Variants in SRRM1 observed in about 807,000 individuals in gnomAD.
SRRM1 encodes the protein serine and arginine repetitive matrix 1.
In SRRM1, 19 loss-of-function variants were observed where a neutral mutation model predicts 110.2. The observed-to-expected ratio is 0.17, with a 90% CI of 0.12 to 0.25. SRRM1 has a LOEUF of 0.25. SRRM1 is among the 10% of genes least tolerant of loss of function. The probability of loss-of-function intolerance (pLI) is 1.00; values close to 1 mark genes in which losing one functional copy is unlikely to be tolerated. For missense variants in SRRM1, 918 were observed against 1,145.8 expected (o/e 0.80, Z 2.87); for synonymous variants, 443 against 414.9 (o/e 1.07, Z -0.82).
chr1:24,670,033 AC>A, intron 14 of SRRM1, 86 bp from the exon 15 acceptor site: 1 of 1,178,140 alleles, frequency 8.5e-7, no homozygotes, highest in Non-Finnish European at 1.2e-6. Flanking sequence ...GAAATTCATA[AC>A]CTGGTTGTAC....
chr1:24,649,463 C>T (rs1033414358), intron 4 of SRRM1, among the ~76,000 whole-genome samples: 8 of 152,142 alleles, frequency 5.3e-5, no homozygotes, highest in Admixed American at 1.3e-4. Context: ...GGATTACAGG[C>T]GCACACCACC....
intron 4 of SRRM1, among the ~76,000 whole-genome samples, 175 bp from the exon 5 acceptor site, chr1:24,649,796 G>A (rs1381165566): frequency 3.3e-5 from 5 of 152,068 alleles, no homozygotes; most frequent in East Asian, 1.9e-4. Flanking sequence ...AATGAGTGGC[G>A]ATAATACCAG....
intron 3 of SRRM1, chr1:24,647,793 A>T (rs544303981): frequency 1.7e-4 from 26 of 152,648 alleles, no homozygotes; most frequent in Admixed American, 1.4e-3. Flanking sequence ...TATAAAGTAT[A>T]TGCATCTTAG....
chr1:24,670,448 A>G, intron 15 of SRRM1, 133 bp downstream of exon 15: 1 of 925,852 alleles, frequency 1.1e-6, no homozygotes, highest in Non-Finnish European at 1.6e-6. Context: ...TATACATCTG[A>G]TCTTGGGCAG....
intron 4 of SRRM1, among the ~76,000 whole-genome samples, chr1:24,649,559 T>A (rs905248959): frequency 3.9e-5 from 6 of 152,268 alleles, no homozygotes; most frequent in African/African-American, 1.2e-4. Context: ...CCTCAAGTGA[T>A]CTGCCCGCCC....
At position 24,669,466 on chromosome 1, in the gene SRRM1, T is replaced by G; in HGVS notation, c.2083T>G (p.Ser695Ala). ...SPRPRAPQTS[S>A]SPPPVRRGAS... ...ACGGCCTCGAGCTCCTCAGACCTCCTCAAGTCCTCCACCCGTTCGAAGAGG... is the reference window on the plus strand; with the variant it reads ...ACGGCCTCGAGCTCCTCAGACCTCCGCAAGTCCTCCACCCGTTCGAAGAGG... The change falls in exon 14 of 17, where the codon TCA (serine) becomes GCA (alanine). Residue 695 changes from serine (S) to alanine (A), a missense_variant. This residue lies in a region of SRRM1 where 357 missense variants were observed against 402.9 expected (regional missense o/e 0.89). Coordinates refer to ENST00000323848, the MANE Select transcript of SRRM1 (RefSeq NM_005839.4). 1 of 1,613,924 alleles carries G rather than the reference T, an allele frequency of 6.2e-7. No individual in the cohort carries two copies. The highest frequency in any genetic ancestry group is 8.5e-7 in the Non-Finnish European group (1 of 1,179,934).
intron 16 of SRRM1, 22 bp from the exon 17 acceptor site, chr1:24,672,160 G>A (rs1210764126): frequency 1.7e-5 from 27 of 1,572,716 alleles, no homozygotes; most frequent in African/African-American, 4.0e-5. Context: ...AGACTTAACC[G>A]TGTAAATTCT....
chr1:24,649,341 C>A (rs145846830), intron 4 of SRRM1, among the ~76,000 whole-genome samples: 1 of 152,278 alleles, frequency 6.6e-6, no homozygotes, highest in South Asian at 2.1e-4. Flanking sequence ...TTTTTTGAGA[C>A]ACAGTTTCAG....
intron 13 of SRRM1, 46 bp from the exon 14 acceptor site, chr1:24,669,077 T>G: frequency 2.6e-6 from 4 of 1,522,048 alleles, no homozygotes; most frequent in Non-Finnish European, 3.6e-6. Context: ...ATCCTGTTTC[T>G]GTATTTTGTT....
chr1:24,660,903 A>AT, intron 10 of SRRM1, 104 bp downstream of exon 10: 1 of 756,796 alleles, frequency 1.3e-6, no homozygotes, highest in East Asian at 2.7e-5. Flanking sequence ...CTGCTTGAAG[A>AT]TTAAGTATAG....
intron 4 of SRRM1, 72 bp from the exon 5 acceptor site, chr1:24,649,899 C>CA: frequency 7.4e-7 from 1 of 1,358,288 alleles, no homozygotes; most frequent in Non-Finnish European, 9.8e-7. Context: ...GTGTTTAACA[C>CA]ACGTAGAAAG....
Position 24,653,057 on chromosome 1 carries a change from GTCAAGTGTTTGACACT to G in SRRM1, c.1040+28_1040+43del, listed in dbSNP as rs768248527. 1.9e-5 allele frequency: 30 copies of G among 1,604,766 alleles called. No homozygotes were observed. In the African/African-American group the frequency reaches 3.2e-4, roughly 17 times the overall value. On this transcript the variant is annotated intron_variant, in intron 8 of 16. Coordinates refer to ENST00000323848, the MANE Select transcript of SRRM1 (RefSeq NM_005839.4). ...GGTAAGATTTTTTAAATTTGGAAGT[GTCAAGTGTTTGACACT>G]TCTGGATAATCTTTCTTTTAGGATA...
At chr1:24,661,516 G>A in intron 11 of SRRM1, 120 bp downstream of exon 11, 1 of 640,618 alleles carries the variant, frequency 1.6e-6, no homozygotes, top group Non-Finnish European at 2.5e-6. Flanking sequence ...TCTGTCTGAG[G>A]AGGCAGGATT....
chr1:24,673,195 T>G lies in SRRM1; in HGVS notation c.*909T>G, dbSNP rs1260755492. 2.2e-5 allele frequency: 3 copies of G among 135,820 alleles called. No individual in the cohort carries two copies. Among genetic ancestry groups the G allele is most frequent in the African/African-American group, 7.8e-5 (3 of 38,260 alleles). 8.4% of individuals were successfully genotyped at this position (135,820 alleles called of 1,614,324 possible). A position where few individuals can be genotyped will look rare whatever the true frequency, so the allele number is the denominator to read the frequency against. On this transcript the variant is annotated 3_prime_UTR_variant, in exon 17 of 17. Transcript: ENST00000323848. The stretch of plus-strand genomic sequence containing the variant: ...ACTGTTTTTGTTTTGATTTTTTTTT[T>G]GTTTTGATTTTTTTTAAACTAAAGC...
chr1:24,661,754 C>T (rs1421926909), intron 11 of SRRM1, among the ~76,000 whole-genome samples: 2 of 152,042 alleles, frequency 1.3e-5, no homozygotes, highest in Non-Finnish European at 2.9e-5. Context: ...GATATGTTGC[C>T]TCACTTTTTA....
chr1:24,668,986 A>G, intron 13 of SRRM1, 137 bp from the exon 14 acceptor site: 1 of 671,812 alleles, frequency 1.5e-6, no homozygotes, highest in Non-Finnish European at 2.5e-6. Context: ...GTGAGAATAT[A>G]AAGATAGCAT....
intron 12 of SRRM1, among the ~76,000 whole-genome samples, chr1:24,664,860 C>T (rs1669098372): frequency 1.3e-5 from 2 of 152,122 alleles, no homozygotes; most frequent in Non-Finnish European, 2.9e-5. Context: ...GCAATTTCTT[C>T]TCTTTCATCT....
chr1:24,647,703 G>A (rs754862023), intron 3 of SRRM1: 1 of 152,518 alleles, frequency 6.6e-6, no homozygotes, highest in Non-Finnish European at 1.5e-5. Context: ...AACTGATAAG[G>A]TATTTCTAGT....
chr1:24,664,322 T>C (rs1477288817), intron 12 of SRRM1, among the ~76,000 whole-genome samples: 1 of 152,172 alleles, frequency 6.6e-6, no homozygotes, highest in African/African-American at 2.4e-5. Context: ...AACTTTTGAT[T>C]ATTAGTGTCA....
Sources: allele counts gnomAD v4.1 joint callset (sites outside exome capture counted in the v4.1 genomes callset), GRCh38; gene constraint gnomAD v4.1.1; regional missense constraint gnomAD v4.1.1; transcripts MANE v1.5; gene names NCBI Gene and HGNC (gene_info 2026-07-23, HGNC 2026-07-21).